DAG1: variants seen among roughly 807,000 people sequenced by gnomAD.
DAG1 encodes dystroglycan 1.
In DAG1, 8 loss-of-function variants were observed where a neutral mutation model predicts 46.1. The ratio of observed to expected loss-of-function variants is 0.17; its 90% CI spans 0.10 to 0.31. DAG1 has a LOEUF of 0.31. Among genes scored for constraint, DAG1 ranks in the 10% least tolerant of loss-of-function variants. The pLI is 1.00. For missense variants in DAG1, 1,003 were observed against 1,189.9 expected, an observed-to-expected ratio of 0.84 and a Z score of 2.31; for synonymous variants, 495 against 481.8, an observed-to-expected ratio of 1.03 and a Z score of -0.36.
intron 1 of DAG1, among the ~76,000 whole-genome samples, chr3:49,473,232 G>A (rs925606727): frequency 7.2e-5 from 11 of 151,978 alleles, no homozygotes; most frequent in African/African-American, 2.2e-4. Flanking sequence ...TGGCTAACAC[G>A]GTGAAACCCT....
At chr3:49,488,250 C>T (rs557736224) in intron 1 of DAG1, among the ~76,000 whole-genome samples, 36 of 152,310 alleles carry the variant, frequency 2.4e-4, no homozygotes, top group Admixed American at 1.8e-3. Context: ...CACCTCCTTC[C>T]TCTTCCATCT....
At chr3:49,527,471 G>GGAGCTTGCAGTGAGCCA (rs56152087) in intron 2 of DAG1, among the ~76,000 whole-genome samples, 1 of 150,638 alleles carries the variant, frequency 6.6e-6, no homozygotes, top group East Asian at 2.0e-4. Context: ...GCAGTGAGCC[G>GGAGCTTGCAGTGAGCCA]AGATAGCGCC....
chr3:49,475,186 C>T (rs1575333789), intron 1 of DAG1, among the ~76,000 whole-genome samples: 1 of 149,308 alleles, frequency 6.7e-6, no homozygotes, highest in Non-Finnish European at 1.5e-5. Flanking sequence ...TTCACTGCAA[C>T]CTCCACCTCC....
chr3:49,518,966 G>A (rs1308279873), intron 2 of DAG1, among the ~76,000 whole-genome samples: 1 of 152,196 alleles, frequency 6.6e-6, no homozygotes, highest in Non-Finnish European at 1.5e-5. Flanking sequence ...GCTCTTGACT[G>A]TCCTTGGCTC....
intron 1 of DAG1, among the ~76,000 whole-genome samples, chr3:49,499,081 G>A (rs1203148227): frequency 4.6e-5 from 7 of 152,312 alleles, no homozygotes; most frequent in South Asian, 2.1e-4. Flanking sequence ...TTTAGGTAGC[G>A]TAGCTATTTG....
intron 1 of DAG1, among the ~76,000 whole-genome samples, chr3:49,505,602 C>T (rs889096873): frequency 6.6e-6 from 1 of 152,094 alleles, no homozygotes; most frequent in Non-Finnish European, 1.5e-5. Flanking sequence ...GATTCTTTGG[C>T]ATTTTCTACA....
rs1212873770 is a variant in DAG1, at chr3:49,532,760, A to G, written c.2249A>G (p.Tyr750Cys). ...GAGAAGAGCAGTGAGGATGATGTCT[A>G]CCTGCACACAGTCATTCCGGCCGTG... The part of the protein sequence containing the change: ...DPEKSSEDDV[Y>C]LHTVIPAVVV... Residue 750 changes from tyrosine (Y) to cysteine (C), a missense_variant, in exon 3 of 3, where the codon TAC (tyrosine) becomes TGC (cysteine). By Grantham distance (194) the Tyr-to-Cys change is radical. Coordinates refer to ENST00000308775, the MANE Select transcript of DAG1 (RefSeq NM_004393.6). This position sits in a 1 kb window ranked among gnomAD's most constrained non-coding sequence, Gnocchi z 5.4. The G allele has an allele frequency of 6.2e-7, 1 of 1,614,078 alleles. No homozygotes were observed. Among genetic ancestry groups the G allele is most frequent in the Admixed American group, 1.7e-5 (1 of 60,030 alleles).
At chr3:49,503,082 T>C (rs1341198063) in intron 1 of DAG1, among the ~76,000 whole-genome samples, 1 of 152,230 alleles carries the variant, frequency 6.6e-6, no homozygotes, top group Non-Finnish European at 1.5e-5. Flanking sequence ...AGTGTTGCAG[T>C]GAACATGCGT....
chr3:49,478,727 C>T lies in DAG1; in HGVS notation c.-117+8294C>T, dbSNP rs543597646. Among the ~76,000 whole-genome samples, 16 of 149,254 alleles carry T rather than the reference C, an allele frequency of 1.1e-4. No individual in the cohort carries two copies. The South Asian group carries it at 3.2e-3, about 30-fold the overall frequency. ...TTCATCACAGCAAATCACACCACTG[C>T]ACTCCAGACTGGGTGACAAAGTGAG... On this transcript the variant is annotated intron_variant, in intron 1 of 2. Transcript: ENST00000308775.
intron 1 of DAG1, chr3:49,471,071 C>T (rs932464365): frequency 1.3e-5 from 2 of 152,220 alleles, no homozygotes; most frequent in Admixed American, 6.5e-5. Context: ...ACAAACTCAA[C>T]TGGTAACTTA....
At chr3:49,474,688 TC>T (rs2049626555) in intron 1 of DAG1, among the ~76,000 whole-genome samples, 2 of 152,008 alleles carry the variant, frequency 1.3e-5, no homozygotes, top group Admixed American at 6.6e-5. Context: ...TCTCCATGTT[TC>T]CCAGGCTGGT....
At chr3:49,489,097 C>T (rs1197285701) in intron 1 of DAG1, among the ~76,000 whole-genome samples, 1 of 150,740 alleles carries the variant, frequency 6.6e-6, no homozygotes, top group African/African-American at 2.4e-5. Flanking sequence ...ATGTGAATTA[C>T]CTTTTTTTTT....
chr3:49,480,975 A>G (rs1406515648), intron 1 of DAG1, among the ~76,000 whole-genome samples: 1 of 138,594 alleles, frequency 7.2e-6, no homozygotes, highest in Non-Finnish European at 1.7e-5. Flanking sequence ...GTTAGCCAGG[A>G]CGGTCTCGAT....
At position 49,532,754 on chromosome 3, in the gene DAG1, A is replaced by T; in HGVS notation, c.2243A>T (p.Asp748Val). 6.2e-7 allele frequency: 1 copy of T among 1,614,082 alleles called. No individual in the cohort carries two copies. The highest frequency in any genetic ancestry group is 8.5e-7 in the Non-Finnish European group (1 of 1,180,030). Residue 748 changes from aspartate to valine, a missense_variant, in exon 3 of 3, where the codon GAT becomes GTT. By Grantham distance (152) the Asp-to-Val change is radical (BLOSUM62 -3). Transcript: ENST00000308775. The surrounding 1 kb of genome is among the most constrained non-coding windows in gnomAD (Gnocchi z 5.4). ...GACCCTGAGAAGAGCAGTGAGGATG[A>T]TGTCTACCTGCACACAGTCATTCCG... is the stretch of plus-strand genomic sequence containing the variant. The part of the protein sequence containing the change: ...DRDPEKSSED[D>V]VYLHTVIPAV...
chr3:49,486,650 G>C (rs1311105986), intron 1 of DAG1, among the ~76,000 whole-genome samples: 1 of 151,886 alleles, frequency 6.6e-6, no homozygotes. Context: ...TTACAGGTGT[G>C]CATCACCACG....
At chr3:49,522,791 A>T (rs1486948368) in intron 2 of DAG1, among the ~76,000 whole-genome samples, 1 of 152,218 alleles carries the variant, frequency 6.6e-6, no homozygotes, top group Admixed American at 6.5e-5. Context: ...CGAAACCAGA[A>T]AGTTTTCTGG....
At chr3:49,480,267 C>CTTTT (rs1043834393) in intron 1 of DAG1, among the ~76,000 whole-genome samples, 2 of 100,036 alleles carry the variant, frequency 2.0e-5, no homozygotes, top group African/African-American at 3.6e-5. Flanking sequence ...TATAACATTT[C>CTTTT]TTTTTTTTTT....
At chr3:49,513,116 C>A (rs1036501532) in intron 2 of DAG1, among the ~76,000 whole-genome samples, 3 of 151,972 alleles carry the variant, frequency 2.0e-5, no homozygotes, top group African/African-American at 7.3e-5. Context: ...AGATAAGGAA[C>A]CTTATCTCTG....
Position 49,534,479 on chromosome 3 carries a change from A to AT in DAG1, c.*1280_*1281insT, listed in dbSNP as rs2051457380. On this transcript the variant is annotated 3_prime_UTR_variant, in exon 3 of 3. Coordinates refer to ENST00000308775, the MANE Select transcript of DAG1 (RefSeq NM_004393.6). The stretch of plus-strand genomic sequence containing the variant: ...TAGCTCTCAAAGCTAATTTTTTACT[A>AT]AAGTTTTTATACAGCCTCAAATTGT... 6.6e-6 allele frequency: 1 copy of AT among 152,604 alleles called. No homozygotes were observed. The allele number at this position is 152,604 out of a possible 1,614,324, so 9.5% of individuals were successfully genotyped here. A position where few individuals can be genotyped will look rare whatever the true frequency, so the allele number is the denominator to read the frequency against.
Sources: allele counts gnomAD v4.1 joint callset (sites outside exome capture counted in the v4.1 genomes callset), GRCh38; gene constraint gnomAD v4.1.1; non-coding constraint Gnocchi (gnomAD v3.1); transcripts MANE v1.5; gene names NCBI Gene and HGNC (gene_info 2026-07-23, HGNC 2026-07-21).